Variants in PTPN3 observed in about 807,000 individuals in gnomAD.
The protein encoded by PTPN3 is tyrosine-protein phosphatase non-receptor type 3.
PTPN3 carries 96 observed loss-of-function variants against 132.7 expected under a neutral mutation model. The ratio of observed to expected loss-of-function variants is 0.72; its 90% CI spans 0.61 to 0.86. The LOEUF (loss-of-function observed/expected upper bound fraction) is 0.86. PTPN3 is among the 40% of genes least tolerant of loss of function. PTPN3 has a pLI of 0.00. For synonymous variants in PTPN3, 398 were observed against 429.0 expected (o/e 0.93, Z 0.89); for missense variants, 1,125 against 1,159.6 (o/e 0.97, Z 0.43).
intron 11 of PTPN3, among the ~76,000 whole-genome samples, chr9:109,427,338 T>A (rs1323153409): frequency 6.6e-6 from 1 of 152,236 alleles, no homozygotes; most frequent in East Asian, 1.9e-4. Context: ...CAGAATCTAT[T>A]CTTTATCATC....
In PTPN3 at chr9:109,379,509, A is replaced by G. The variant is rs554195548; in HGVS notation, c.*47T>C. The stretch of plus-strand genomic sequence containing the variant: ...CCAGAGAGGTCTGTCCTCCTCTTTC[A>G]AGGAGGATGCCCTTGGGAAAGAGGA... On this transcript the variant is annotated 3_prime_UTR_variant, in exon 26 of 26. Transcript: ENST00000374541. The G allele has an allele frequency of 3.0e-5, 46 of 1,534,528 alleles. 2 individuals are homozygous for G. The Middle Eastern group carries it at 5.1e-4, about 17-fold the overall frequency.
chr9:109,490,483 A>C (rs906384556), intron 1 of PTPN3, among the ~76,000 whole-genome samples: 4 of 152,192 alleles, frequency 2.6e-5, no homozygotes, highest in Non-Finnish European at 4.4e-5. Context: ...CACGCCTGTA[A>C]TCCCAGCACT....
intron 22 of PTPN3, among the ~76,000 whole-genome samples, chr9:109,386,450 C>A (rs1190391152): frequency 6.6e-6 from 1 of 152,190 alleles, no homozygotes; most frequent in East Asian, 1.9e-4. Context: ...CGATGTGGCA[C>A]TGTCCTCAAG....
intron 19 of PTPN3, among the ~76,000 whole-genome samples, chr9:109,394,919 C>T (rs1158727320): frequency 6.6e-6 from 1 of 151,502 alleles, no homozygotes; most frequent in Non-Finnish European, 1.5e-5. Context: ...GCGGGCAGAT[C>T]ACGAGGTCAG....
intron 16 of PTPN3, 29 bp from the exon 17 acceptor site, chr9:109,408,406 CAA>C: frequency 6.5e-7 from 1 of 1,539,590 alleles, no homozygotes; most frequent in Non-Finnish European, 8.8e-7. Flanking sequence ...AAAAACAAAA[CAA>C]AGTTTTTTAA....
intron 14 of PTPN3, among the ~76,000 whole-genome samples, chr9:109,415,096 A>G (rs1213031788): frequency 8.0e-5 from 12 of 150,466 alleles, no homozygotes; most frequent in Admixed American, 2.7e-4. Flanking sequence ...CCATCCATCC[A>G]TCCATCCATC....
the PTPN3 span, among the ~76,000 whole-genome samples, chr9:109,531,335 T>A: frequency 6.6e-6 from 1 of 152,344 alleles, no homozygotes; most frequent in South Asian, 2.1e-4. Context: ...AGAGTATAGA[T>A]AGGGTGCTCT....
Position 109,391,174 on chromosome 9 carries a change from C to T in PTPN3, c.2070G>A (p.Gln690=). ...LPYDTTRVLL[Q]GNEDYINASY... Reference sequence around the variant, plus strand: ...TTGCATTAATATAATCTTCATTTCCCTGCAATAATACCCGGGTGGTGTCAT... The same window carrying T: ...TTGCATTAATATAATCTTCATTTCCTTGCAATAATACCCGGGTGGTGTCAT... The change falls in exon 21 of 26, where the codon CAG becomes CAA. Residue 690 remains glutamine (Q), a synonymous_variant. Transcript: ENST00000374541. The T allele has an allele frequency of 6.2e-7, 1 of 1,613,604 alleles. No individual in the cohort carries two copies. Among genetic ancestry groups the T allele is most frequent in the Non-Finnish European group, 8.5e-7 (1 of 1,179,716 alleles).
the PTPN3 span, among the ~76,000 whole-genome samples, chr9:109,527,933 C>CA: frequency 2.6e-5 from 4 of 151,916 alleles, no homozygotes; most frequent in Middle Eastern, 3.4e-3. Context: ...CCATCTAATT[C>CA]AAAAAAATAG....
the PTPN3 span, among the ~76,000 whole-genome samples, chr9:109,528,424 C>T: frequency 3.3e-5 from 5 of 152,144 alleles, no homozygotes; most frequent in East Asian, 1.9e-4. Context: ...TACTGCTATG[C>T]GCAATGAAGA....
At chr9:109,510,787 C>T in the PTPN3 span, among the ~76,000 whole-genome samples, 1 of 151,366 alleles carries the variant, frequency 6.6e-6, no homozygotes, top group Non-Finnish European at 1.5e-5. Context: ...CAAACTCCAG[C>T]ATTCAAAGAG....
At chr9:109,468,690 T>G (rs550325165) in intron 1 of PTPN3, among the ~76,000 whole-genome samples, 1 of 152,166 alleles carries the variant, frequency 6.6e-6, no homozygotes, top group Non-Finnish European at 1.5e-5. Context: ...TAATCAAAGA[T>G]TATACTTGGA....
At chr9:109,493,168 T>A (rs1847534961) in intron 1 of PTPN3, among the ~76,000 whole-genome samples, 1 of 152,196 alleles carries the variant, frequency 6.6e-6, no homozygotes, top group South Asian at 2.1e-4. Flanking sequence ...TTTGAGAGGC[T>A]GAGGCAGGAA....
chr9:109,443,927 G>A (rs1307586703), intron 7 of PTPN3, among the ~76,000 whole-genome samples: 2 of 152,130 alleles, frequency 1.3e-5, no homozygotes, highest in Admixed American at 6.5e-5. Context: ...ATGCAGGTGG[G>A]TGGGTAAGCT....
intron 22 of PTPN3, among the ~76,000 whole-genome samples, chr9:109,389,025 T>C (rs1233620027): frequency 6.6e-6 from 1 of 152,056 alleles, no homozygotes. Flanking sequence ...TTCTGGCTTG[T>C]TGTAATGGAT....
chr9:109,433,151 T>C lies in PTPN3; in HGVS notation c.686A>G (p.Asn229Ser). ...VELHSGRDLH[N>S]LDLMIGIASA... is the part of the protein sequence containing the mutation. ...AGCAATTCCAATCATTAGGTCTAAA[T>C]TGTGCAGATCCTGTAAAAAGGAAGA... is the stretch of plus-strand genomic sequence containing the variant. The change falls in exon 10 of 26, where the codon AAT (asparagine) becomes AGT (serine). Residue 229 changes from asparagine (N) to serine (S), a missense_variant. By Grantham distance (46) the Asn-to-Ser change is conservative (BLOSUM62 1). Coordinates refer to ENST00000374541, the MANE Select transcript of PTPN3 (RefSeq NM_002829.4). The C allele has an allele frequency of 6.2e-7, 1 of 1,614,098 alleles. No homozygotes were observed. Among genetic ancestry groups the C allele is most frequent in the East Asian group, 2.2e-5 (1 of 44,878 alleles).
intron 10 of PTPN3, among the ~76,000 whole-genome samples, chr9:109,432,267 T>C (rs1006286542): frequency 1.3e-5 from 2 of 152,114 alleles, no homozygotes; most frequent in Non-Finnish European, 2.9e-5. Flanking sequence ...GGTCAAACTC[T>C]GTGTGGCACA....
intron 5 of PTPN3, among the ~76,000 whole-genome samples, chr9:109,452,166 G>A (rs1845293187): frequency 6.6e-6 from 1 of 151,206 alleles, no homozygotes; most frequent in Non-Finnish European, 1.5e-5. Flanking sequence ...TACTCAGGAG[G>A]CTGAGGCAGG....
At chr9:109,428,934 A>G in intron 10 of PTPN3, 8 of 985,476 alleles carry the variant, frequency 8.1e-6, no homozygotes, top group Non-Finnish European at 9.6e-6. Context: ...CAAGAAACAT[A>G]GGCCATGCGC....
Sources: allele counts gnomAD v4.1 joint callset (sites outside exome capture counted in the v4.1 genomes callset), GRCh38; gene constraint gnomAD v4.1.1; transcripts MANE v1.5; gene names NCBI Gene and HGNC (gene_info 2026-07-23, HGNC 2026-07-21).